The following ENPP1 variants were observed in gnomAD, a reference collection of about 807,000 sequenced individuals.
The protein encoded by ENPP1 is ectonucleotide pyrophosphatase/phosphodiesterase family member 1.
ENPP1 carries 73 observed loss-of-function variants against 122.8 expected under a neutral mutation model. The observed-to-expected ratio is 0.59, with a 90% CI of 0.49 to 0.72. The LOEUF is 0.72. Ranked by LOEUF, ENPP1 falls within the 30% of genes least tolerant of loss-of-function variation. ENPP1 has a pLI of 0.00. For synonymous variants in ENPP1, 367 were observed against 391.6 expected (o/e 0.94, Z 0.74); for missense variants, 978 against 1,128.1 (o/e 0.87, Z 1.91).
At chr6:131,827,115 T>G in intron 1 of ENPP1, 1 of 698,264 alleles carries the variant, frequency 1.4e-6, no homozygotes, top group Non-Finnish European at 2.7e-6. Context: ...CTCAAAGACA[T>G]TTGTCTGGAA....
At chr6:131,810,694 T>A (rs1445976021) in intron 1 of ENPP1, among the ~76,000 whole-genome samples, 1 of 152,250 alleles carries the variant, frequency 6.6e-6, no homozygotes, top group Non-Finnish European at 1.5e-5. Flanking sequence ...TCAGCTACAC[T>A]GTTTTAATTT....
chr6:131,856,161 A>G (rs1469475050), intron 6 of ENPP1, among the ~76,000 whole-genome samples: 1 of 152,200 alleles, frequency 6.6e-6, no homozygotes, highest in Non-Finnish European at 1.5e-5. Context: ...AAAAGTCTTT[A>G]GCTTTGCATG....
rs371901756 is a variant in ENPP1 at position 131,886,895 on chromosome 6, G to A, written c.2607+171G>A. The stretch of plus-strand genomic sequence containing the variant: ...TCTTTTAAGATGACATATCTTTGGG[G>A]AAGACTACCCTTGTCTGCTTTTACT... On this transcript the variant is annotated intron_variant, in intron 24 of 24. Coordinates refer to ENST00000647893, the MANE Select transcript of ENPP1 (RefSeq NM_006208.3). Among the ~76,000 whole-genome samples, 17 of 151,530 alleles carry A rather than the reference G, an allele frequency of 1.1e-4. No homozygotes were observed. In the East Asian group the frequency reaches 2.1e-3, roughly 19 times the overall value.
In ENPP1 at chr6:131,860,392, G is replaced by A; in HGVS notation, c.801G>A (p.Leu267=). ...ATCTGTTTTATCTTTTTTAGGGATT[G>A]TATCCAGAATCTCATGGCATAATCG... ...FPNHYSIVTG[L]YPESHGIIDN... Residue 267 remains leucine, a synonymous_variant, in exon 8 of 25, where the codon TTG becomes TTA. Coordinates refer to ENST00000647893, the MANE Select transcript of ENPP1 (RefSeq NM_006208.3). 3.1e-6 allele frequency: 5 copies of A among 1,594,748 alleles called. No homozygotes were observed. Among genetic ancestry groups the A allele is most frequent in the East Asian group, 4.5e-5 (2 of 44,598 alleles).
In ENPP1 at chr6:131,891,457, G is replaced by A. The variant is rs1782468859; in HGVS notation, c.*946G>A. The A allele has an allele frequency of 6.6e-6, 1 of 152,148 alleles. No individual in the cohort carries two copies. 9.4% of individuals were successfully genotyped at this position (152,148 alleles called of 1,614,324 possible). A position where few individuals can be genotyped will look rare whatever the true frequency, so the allele number is the denominator to read the frequency against. ...GGTTCATTTTGAAGTTCCACAGATT[G>A]AAGAGAACATGCCACCAATCACCTC... On this transcript the variant is annotated 3_prime_UTR_variant, in exon 25 of 25. Coordinates refer to ENST00000647893, the MANE Select transcript of ENPP1 (RefSeq NM_006208.3).
At position 131,885,046 on chromosome 6, in the gene ENPP1, C is replaced by T. The variant is rs769051462; in HGVS notation, c.2427C>T (p.Ser809=). 3.7e-6 allele frequency: 6 copies of T among 1,613,780 alleles called. No individual in the cohort carries two copies. The highest frequency in any genetic ancestry group is 2.2e-5 in the East Asian group (1 of 44,866). ...FDFDYDGRCD[S]LENLRQKRRV... Reference sequence around the variant, plus strand: ...TTGATTATGATGGACGTTGTGATTCCTTAGAGAATCTGAGGCAGTAAGAAC... The same window carrying T: ...TTGATTATGATGGACGTTGTGATTCTTTAGAGAATCTGAGGCAGTAAGAAC... Residue 809 remains serine (S), a synonymous_variant, in exon 23 of 25, where the codon TCC becomes TCT. Coordinates refer to ENST00000647893, the MANE Select transcript of ENPP1 (RefSeq NM_006208.3).
chr6:131,851,270 C>T lies in ENPP1; in HGVS notation c.556+3C>T, dbSNP rs1408246785. Reference sequence around the variant, plus strand: ...CAACTACAGTTCTGTGTGTCAAGGTCAGGTGCTCGTTGGGCTCTGCAGCAG... The same window carrying T: ...CAACTACAGTTCTGTGTGTCAAGGTTAGGTGCTCGTTGGGCTCTGCAGCAG... On this transcript the variant is annotated splice_donor_region_variant and intron_variant, in intron 4 of 24. Coordinates refer to ENST00000647893, the MANE Select transcript of ENPP1 (RefSeq NM_006208.3). 1 of 1,614,088 alleles carries T rather than the reference C, an allele frequency of 6.2e-7. No individual in the cohort carries two copies. Among genetic ancestry groups the T allele is most frequent in the Admixed American group, 1.7e-5 (1 of 59,998 alleles).
chr6:131,868,933 A>G (rs911498307), intron 12 of ENPP1, among the ~76,000 whole-genome samples: 2 of 152,214 alleles, frequency 1.3e-5, no homozygotes, highest in African/African-American at 4.8e-5. Context: ...TTCAGAAATA[A>G]TTATAGAAAT....
intron 11 of ENPP1, among the ~76,000 whole-genome samples, chr6:131,867,387 T>C (rs979578114): frequency 5.9e-5 from 9 of 152,212 alleles, no homozygotes; most frequent in Non-Finnish European, 1.5e-5. Context: ...CAATATCATT[T>C]GTCATTCTGT....
At chr6:131,826,730 T>C in intron 1 of ENPP1, 1 of 518,818 alleles carries the variant, frequency 1.9e-6, no homozygotes, top group Non-Finnish European at 3.5e-6. Context: ...CTGCAATGAC[T>C]TGTGGGATCT....
intron 1 of ENPP1, among the ~76,000 whole-genome samples, chr6:131,837,645 A>T (rs1385346312): frequency 1.3e-5 from 2 of 151,776 alleles, no homozygotes; most frequent in African/African-American, 4.8e-5. Flanking sequence ...TTTTCAACCT[A>T]TGCCAGCTGT....
chr6:131,833,871 A>C (rs11965008), intron 1 of ENPP1, among the ~76,000 whole-genome samples: 7 of 152,206 alleles, frequency 4.6e-5, no homozygotes, highest in Non-Finnish European at 1.5e-5. Context: ...TAATAATTCT[A>C]TGATTACTTC....
chr6:131,890,766 A>C lies in ENPP1; in HGVS notation c.*255A>C, dbSNP rs1782459091. On this transcript the variant is annotated 3_prime_UTR_variant, in exon 25 of 25. Transcript: ENST00000647893. ...GTTCGGGGGAATAAAGACAGACCAC[A>C]CCTAAAACTGCCTTTCTGCTTCTCT... 1 of 488,714 alleles carries C rather than the reference A, an allele frequency of 2.0e-6. No homozygotes were observed. Among genetic ancestry groups the C allele is most frequent in the Admixed American group, 3.5e-5 (1 of 28,930 alleles). 30.3% of individuals were successfully genotyped at this position (488,714 alleles called of 1,614,324 possible). A position where few individuals can be genotyped will look rare whatever the true frequency, so the allele number is the denominator to read the frequency against.
intron 1 of ENPP1, among the ~76,000 whole-genome samples, chr6:131,828,603 G>A (rs1488923735): frequency 6.6e-6 from 1 of 152,112 alleles, no homozygotes; most frequent in East Asian, 1.9e-4. Context: ...CCTGTCTTTG[G>A]CCACAGGGTC....
At chr6:131,858,853 A>G in intron 7 of ENPP1, 106 bp downstream of exon 7, 6 of 858,862 alleles carry the variant, frequency 7.0e-6, no homozygotes, top group Non-Finnish European at 1.2e-5. Flanking sequence ...TTATTTTCCA[A>G]TAGGTAGTTA....
At chr6:131,819,389 A>C (rs528621080) in intron 1 of ENPP1, among the ~76,000 whole-genome samples, 1 of 152,336 alleles carries the variant, frequency 6.6e-6, no homozygotes, top group Non-Finnish European at 1.5e-5. Flanking sequence ...TTTATAAATG[A>C]GAACAAATTA....
At chr6:131,828,237 T>A in intron 1 of ENPP1, 1 of 558,760 alleles carries the variant, frequency 1.8e-6, no homozygotes, top group Non-Finnish European at 3.5e-6. Context: ...ATTGTCAAAT[T>A]CCACTTTGTA....
At position 131,892,369 on chromosome 6, in the gene ENPP1, C is replaced by G. The variant is rs559926548; in HGVS notation, c.*1858C>G. The G allele has an allele frequency of 7.2e-5, 11 of 152,138 alleles. No homozygotes were observed. The highest frequency in any genetic ancestry group is 1.6e-4 in the Non-Finnish European group (11 of 68,048). 9.4% of individuals were successfully genotyped at this position (152,138 alleles called of 1,614,324 possible). A position where few individuals can be genotyped will look rare whatever the true frequency, so the allele number is the denominator to read the frequency against. ...GAGTCCAGGTTCCCCAGTCAGCCTC[C>G]CTTTATACTGAGTAACAGGGTCCCC... On this transcript the variant is annotated 3_prime_UTR_variant, in exon 25 of 25. Coordinates refer to ENST00000647893, the MANE Select transcript of ENPP1 (RefSeq NM_006208.3).
At chr6:131,877,857 AAAAAAAAAAATAT>A (rs1425418021) in intron 18 of ENPP1, 7 of 110,146 alleles carry the variant, frequency 6.4e-5, no homozygotes, top group African/African-American at 2.5e-4. Flanking sequence ...AAAAAAAAAA[AAAAAAAAAAATAT>A]ATATATATAT....
Sources: gnomAD v4.1 joint callset for allele counts (sites outside exome capture counted in the v4.1 genomes callset) on GRCh38, gnomAD v4.1.1 for gene constraint, MANE v1.5 for transcripts, NCBI Gene and HGNC (gene_info 2026-07-23, HGNC 2026-07-21) for gene names.